Variants in NEK1 observed in about 807,000 individuals in gnomAD.
NEK1 encodes the protein NIMA related kinase 1, also known as serine/threonine-protein kinase Nek1.
A neutral mutation model predicts 182.1 loss-of-function variants in NEK1; 137 were observed. The observed-to-expected ratio is 0.75, with a 90% CI of 0.65 to 0.87. NEK1 has a LOEUF of 0.87. NEK1 is among the 40% of genes least tolerant of loss of function. NEK1 has a pLI of 0.00. For synonymous variants in NEK1, 513 were observed against 492.2 expected, an observed-to-expected ratio of 1.04 and a Z score of -0.56; for missense variants, 1,391 against 1,494.4, an observed-to-expected ratio of 0.93 and a Z score of 1.14.
chr4:169,430,066 CATTT>C (rs1737134009), intron 29 of NEK1, among the ~76,000 whole-genome samples: 1 of 151,994 alleles, frequency 6.6e-6, no homozygotes, highest in Non-Finnish European at 1.5e-5. Context: ...AAATCTTTAC[CATTT>C]ATTAAATTTC....
At chr4:169,467,944 T>C (rs1745234519) in intron 26 of NEK1, among the ~76,000 whole-genome samples, 1 of 152,054 alleles carries the variant, frequency 6.6e-6, no homozygotes, top group Non-Finnish European at 1.5e-5. Flanking sequence ...AACAATATGC[T>C]GCCCATAAGA....
At chr4:169,452,172 A>G (rs1357617061) in intron 27 of NEK1, among the ~76,000 whole-genome samples, 1 of 152,248 alleles carries the variant, frequency 6.6e-6, no homozygotes. Flanking sequence ...TGAGGCAATA[A>G]TTAATAGCTT....
chr4:169,532,324 TA>T (rs1421901443), intron 19 of NEK1, among the ~76,000 whole-genome samples: 1 of 152,220 alleles, frequency 6.6e-6, no homozygotes, highest in Non-Finnish European at 1.5e-5. Context: ...AGTATGTTGC[TA>T]AAAACAGCAC....
chr4:169,479,318 T>C (rs1289019277), intron 24 of NEK1, 85 bp downstream of exon 24: 1 of 1,392,124 alleles, frequency 7.2e-7, no homozygotes, highest in Non-Finnish European at 9.8e-7. Context: ...AAAGGGACAT[T>C]AGGGATTAAT....
intron 23 of NEK1, among the ~76,000 whole-genome samples, chr4:169,504,366 C>T (rs1351911159): frequency 2.6e-5 from 4 of 152,190 alleles, no homozygotes; most frequent in African/African-American, 7.2e-5. Context: ...TACAATCTAG[C>T]AATCCCACTG....
chr4:169,429,434 T>C (rs1351043435), intron 29 of NEK1, among the ~76,000 whole-genome samples: 1 of 152,186 alleles, frequency 6.6e-6, no homozygotes, highest in Non-Finnish European at 1.5e-5. Flanking sequence ...AATGGATCTC[T>C]AAACTGGCTC....
chr4:169,550,542 T>C (rs935715104), intron 18 of NEK1, among the ~76,000 whole-genome samples: 2 of 152,182 alleles, frequency 1.3e-5, no homozygotes, highest in African/African-American at 4.8e-5. Flanking sequence ...ATCTGTAAAA[T>C]AGCAAAAATA....
intron 19 of NEK1, among the ~76,000 whole-genome samples, chr4:169,528,218 T>C (rs1396793882): frequency 6.6e-6 from 1 of 152,156 alleles, no homozygotes; most frequent in Non-Finnish European, 1.5e-5. Flanking sequence ...TGGATGTCAC[T>C]CCTGTAATTG....
At chr4:169,587,431 A>G (rs1367000390) in intron 9 of NEK1, 128 bp downstream of exon 9, 1 of 537,504 alleles carries the variant, frequency 1.9e-6, no homozygotes, top group Admixed American at 4.0e-5. Context: ...GAGAAATTCA[A>G]AAATGGACTT....
intron 2 of NEK1, among the ~76,000 whole-genome samples, chr4:169,605,445 A>G (rs1420596622): frequency 6.6e-6 from 1 of 152,196 alleles, no homozygotes; most frequent in Non-Finnish European, 1.5e-5. Context: ...CCTTTTTTGT[A>G]ATGTCAGTGT....
chr4:169,546,233 C>A (rs559334224), intron 18 of NEK1, among the ~76,000 whole-genome samples: 2 of 149,648 alleles, frequency 1.3e-5, no homozygotes, highest in Non-Finnish European at 2.9e-5. Context: ...GCCTTAATTT[C>A]TTTATTTACC....
At chr4:169,515,558 T>A (rs1306933313) in intron 19 of NEK1, among the ~76,000 whole-genome samples, 1 of 147,144 alleles carries the variant, frequency 6.8e-6, no homozygotes, top group Non-Finnish European at 1.5e-5. Context: ...TTGTGCAGGT[T>A]AGTTACATAT....
At chr4:169,601,922 A>G in intron 4 of NEK1, 86 bp downstream of exon 4, 1 of 922,912 alleles carries the variant, frequency 1.1e-6, no homozygotes, top group Non-Finnish European at 1.8e-6. Context: ...TTAAGCAAAA[A>G]TGGTATCTTT....
At chr4:169,479,735 T>C (rs565148334) in intron 23 of NEK1, among the ~76,000 whole-genome samples, 1 of 152,284 alleles carries the variant, frequency 6.6e-6, no homozygotes, top group East Asian at 1.9e-4. Context: ...TGGTCTCAGA[T>C]GTACACATAG....
chr4:169,561,990 AG>A (rs1762986429), intron 13 of NEK1, 99 bp from the exon 14 acceptor site: 6 of 1,138,378 alleles, frequency 5.3e-6, no homozygotes, highest in Non-Finnish European at 7.3e-6. Context: ...ATGTTCAATG[AG>A]GTTTTTTTTT....
chr4:169,576,920 G>A lies in NEK1; in HGVS notation c.1020+8C>T, dbSNP rs766646853. ...GTTATTAACACATGGTATGTAACAT[G>A]ATCATACCTGTTTATGTTTTTGCAG... On this transcript the variant is annotated splice_region_variant and intron_variant, in intron 12 of 35. Transcript: ENST00000507142. 86 of 1,587,852 alleles carry A rather than the reference G, an allele frequency of 5.4e-5. No homozygotes were observed. The highest frequency in any genetic ancestry group is 6.3e-5 in the Non-Finnish European group (73 of 1,165,952).
Position 169,590,813 on chromosome 4 carries a change from G to T in NEK1, c.313-4C>A. 6.3e-7 allele frequency: 1 copy of T among 1,579,634 alleles called. No individual in the cohort carries two copies. Among genetic ancestry groups the T allele is most frequent in the Non-Finnish European group, 8.6e-7 (1 of 1,159,372 alleles). On this transcript the variant is annotated splice_region_variant and splice_polypyrimidine_tract_variant and intron_variant, in intron 5 of 35. Coordinates refer to ENST00000507142, the MANE Select transcript of NEK1 (RefSeq NM_001199397.3). ...TCTGTACAAACCAGTCCAAAATCTA[G>T]GAAGAAAAATCAGATCTGTCAAGCC...
intron 12 of NEK1, among the ~76,000 whole-genome samples, chr4:169,571,895 ATTT>A (rs57480182): frequency 3.6e-5 from 5 of 137,204 alleles, no homozygotes; most frequent in South Asian, 2.3e-4. Flanking sequence ...TGCCCAGCTA[ATTT>A]TTTTTTTTTT....
intron 35 of NEK1, among the ~76,000 whole-genome samples, chr4:169,399,652 G>A (rs1406710458): frequency 6.6e-6 from 1 of 152,034 alleles, no homozygotes; most frequent in Non-Finnish European, 1.5e-5. Flanking sequence ...GACAGGGTCT[G>A]GCTTTGTCAC....
Sources: gnomAD v4.1 joint callset for allele counts (sites outside exome capture counted in the v4.1 genomes callset) on GRCh38, gnomAD v4.1.1 for gene constraint, MANE v1.5 for transcripts, NCBI Gene and HGNC (gene_info 2026-07-23, HGNC 2026-07-21) for gene names.